Variants in TACC3 observed in about 807,000 individuals in gnomAD.
The protein encoded by TACC3 is transforming acidic coiled-coil-containing protein 3.
TACC3 carries 52 observed loss-of-function variants against 86.0 expected under a neutral mutation model. The observed-to-expected ratio is 0.60, with a 90% confidence interval of 0.48 to 0.76. TACC3 has a LOEUF of 0.76. TACC3 is among the 30% of genes least tolerant of loss of function. The pLI, the probability that TACC3 is intolerant of heterozygous loss-of-function variation, is 0.00. For synonymous variants in TACC3, 512 were observed against 430.0 expected (o/e 1.19, Z -2.36); for missense variants, 1,120 against 1,070.4 (o/e 1.05, Z -0.65).
intron 3 of TACC3, 38 bp downstream of exon 3, chr4:1,723,908 C>T (rs369375842): frequency 5.0e-6 from 8 of 1,606,724 alleles, no homozygotes; most frequent in South Asian, 1.1e-5. Flanking sequence ...GGAGCTTCAC[C>T]CTCTCTGTCC....
At chr4:1,723,625 T>C in intron 2 of TACC3, 42 bp downstream of exon 2, 3 of 1,609,178 alleles carry the variant, frequency 1.9e-6, no homozygotes, top group Non-Finnish European at 2.5e-6. Context: ...CAGGTTGCCC[T>C]AGGGCCTGCT....
At position 1,723,825 on chromosome 4, in the gene TACC3, C is replaced by T; in HGVS notation, c.260C>T (p.Thr87Ile). 6.2e-7 allele frequency: 1 copy of T among 1,613,608 alleles called. No individual in the cohort carries two copies. Among genetic ancestry groups the T allele is most frequent in the African/African-American group, 1.3e-5 (1 of 75,066 alleles). ...GAGGCTCCTTTCACTCAGGATGACA[C>T]CCTTGGACTGGAAAACTCACACCCG... ...KLEAPFTQDD[T>I]LGLENSHPVW... Residue 87 changes from threonine to isoleucine, a missense_variant, in exon 3 of 16, where the codon ACC (threonine) becomes ATC (isoleucine). Transcript: ENST00000313288.
At chr4:1,723,604 G>C in intron 2 of TACC3, 21 bp downstream of exon 2, 3 of 1,610,172 alleles carry the variant, frequency 1.9e-6, no homozygotes, top group Non-Finnish European at 2.5e-6. Flanking sequence ...CCTGTACAGT[G>C]TGTGGCTGGC....
intron 6 of TACC3, among the ~76,000 whole-genome samples, chr4:1,734,923 A>C (rs1718179529): frequency 6.6e-6 from 1 of 152,216 alleles, no homozygotes; most frequent in Admixed American, 6.5e-5. Flanking sequence ...TTTTAATCAA[A>C]AGTTATATTA....
chr4:1,738,092 C>G, intron 10 of TACC3: 1 of 357,338 alleles, frequency 2.8e-6, no homozygotes, highest in South Asian at 2.1e-5. Context: ...CCATCTTCAC[C>G]CACCCCACAT....
intron 13 of TACC3, 30 bp from the exon 14 acceptor site, chr4:1,744,473 CAGCAGACGGCGTGGT>C: frequency 6.4e-7 from 1 of 1,573,910 alleles, no homozygotes. Flanking sequence ...GGGTGCTCTC[CAGCAGACGGCGTGGT>C]ACCCACAGCT....
intron 4 of TACC3, among the ~76,000 whole-genome samples, chr4:1,729,833 G>A (rs982411431): frequency 6.6e-6 from 1 of 152,052 alleles, no homozygotes; most frequent in Non-Finnish European, 1.5e-5. Context: ...TAATTAACGG[G>A]TGCCTTCCCA....
In TACC3 at chr4:1,723,527, C is replaced by T. The variant is rs1717525644; in HGVS notation, c.106C>T (p.Leu36Phe). 2.5e-6 allele frequency: 4 copies of T among 1,613,796 alleles called. No homozygotes were observed. In the East Asian group the frequency reaches 6.7e-5, roughly 27 times the overall value. The change falls in exon 2 of 16, where the codon CTT becomes TTT. Residue 36 changes from leucine to phenylalanine, a missense_variant. Physicochemically the swap from Leu to Phe is conservative, Grantham distance 22. Transcript: ENST00000313288. ...AGAAGTTACCGGAAGATCGTCTGTT[C>T]TTCGTGTGTCACAGAAAGAAAATGT... ...PPEVTGRSSVLRVSQKENVPP... is the reference protein window; with the variant it reads ...PPEVTGRSSVFRVSQKENVPP...
Position 1,737,466 on chromosome 4 carries a change from C to T in TACC3, c.1837-132C>T, listed in dbSNP as rs140953341. 1,936 of 1,105,858 alleles carry T rather than the reference C, an allele frequency of 1.8e-3. 20 individuals carry two copies. The African/African-American group carries it at 0.023, about 13-fold the overall frequency. The allele number at this position is 1,105,858 out of a possible 1,614,324, so 68.5% of individuals were successfully genotyped here. ...GCATGGGGCCGCTGTGCTGTTCCCT[C>T]GCCGCACTGTCTCGGGTCCCTCATG... On this transcript the variant is annotated intron_variant, in intron 9 of 15. Coordinates refer to ENST00000313288, the MANE Select transcript of TACC3 (RefSeq NM_006342.3).
intron 3 of TACC3, among the ~76,000 whole-genome samples, chr4:1,725,091 T>C (rs1665363): frequency 0.77 from 117,122 of 151,872 alleles, 45,342 homozygotes; most frequent in East Asian, 0.86. Context: ...CCACCACACC[T>C]GGCTAATTTT....
intron 12 of TACC3, chr4:1,740,608 TC>T (rs1311030887): frequency 6.0e-6 from 3 of 502,152 alleles, no homozygotes; most frequent in Non-Finnish European, 1.1e-5. Flanking sequence ...AGGCTCCAGT[TC>T]CCTGCGGATC....
chr4:1,739,327 C>T (rs916194885), intron 10 of TACC3: 7 of 222,194 alleles, frequency 3.2e-5, no homozygotes, highest in Non-Finnish European at 4.4e-5. Context: ...AAAAAGAGAT[C>T]TGAACATACT....
At chr4:1,737,769 G>A in intron 10 of TACC3, 67 bp downstream of exon 10, 1 of 1,418,486 alleles carries the variant, frequency 7.0e-7, no homozygotes, top group Non-Finnish European at 9.7e-7. Context: ...CCAACAGTGG[G>A]CAGGGGTCCA....
chr4:1,731,906 T>C (rs901092418), intron 6 of TACC3, among the ~76,000 whole-genome samples: 1 of 152,246 alleles, frequency 6.6e-6, no homozygotes. Context: ...AGTGCTGGGA[T>C]TGCACGCGTG....
In TACC3 at chr4:1,739,841, C is replaced by T. The variant is rs528183659; in HGVS notation, c.2018+63C>T. On this transcript the variant is annotated intron_variant, in intron 11 of 15. Coordinates refer to ENST00000313288, the MANE Select transcript of TACC3 (RefSeq NM_006342.3). ...CCCCCTCGCCATCCTTGTCCCCATC[C>T]CCCTCGCCATCCTTGTCCCCATCCC... is the stretch of plus-strand genomic sequence containing the variant. 31 of 1,546,866 alleles carry T rather than the reference C, an allele frequency of 2.0e-5. No homozygotes were observed. The East Asian group carries it at 6.9e-4, about 34-fold the overall frequency.
rs146630510 is a variant in TACC3 at position 1,728,587 on chromosome 4, C to A, written c.1185C>A (p.Pro395=). ...DGRSGAGEDP[P]MPASRGSYHL... ...GGAGCGGAGCAGGAGAGGACCCCCC[C>A]ATGCCAGCTTCTCGGGGCTCTTACC... Residue 395 remains proline (P), a synonymous_variant, in exon 4 of 16, where the codon CCC becomes CCA. Coordinates refer to ENST00000313288, the MANE Select transcript of TACC3 (RefSeq NM_006342.3). 8.1e-6 allele frequency: 13 copies of A among 1,614,000 alleles called. No homozygotes were observed. The highest frequency in any genetic ancestry group is 1.1e-5 in the Non-Finnish European group (13 of 1,179,996).
Position 1,729,080 on chromosome 4 carries a change from C to T in TACC3, c.1385+293C>T, listed in dbSNP as rs1717870613. Among the ~76,000 whole-genome samples the T allele has an allele frequency of 2.0e-5, 3 of 152,182 alleles. No individual in the cohort carries two copies. The South Asian group carries it at 6.2e-4, about 32-fold the overall frequency. On this transcript the variant is annotated intron_variant, in intron 4 of 15. Transcript: ENST00000313288. ...ACCAACCCTGGGCAGGACCCTGTCC[C>T]CCAGTCATGTTCCTCCTCAGGTGAA...
intron 3 of TACC3, among the ~76,000 whole-genome samples, chr4:1,725,263 G>A (rs557362277): frequency 1.3e-5 from 2 of 152,180 alleles, no homozygotes; most frequent in South Asian, 4.1e-4. Flanking sequence ...TTTTAGATGT[G>A]CAGAGAAAAG....
intron 9 of TACC3, 101 bp downstream of exon 9, chr4:1,737,429 G>A (rs927381942): frequency 1.6e-6 from 2 of 1,289,840 alleles, no homozygotes; most frequent in Non-Finnish European, 2.2e-6. Flanking sequence ...TGAGCCTTTG[G>A]TTTTGTTGGG....
Sources: gnomAD v4.1 joint callset for allele counts (sites outside exome capture counted in the v4.1 genomes callset) on GRCh38, gnomAD v4.1.1 for gene constraint, MANE v1.5 for transcripts, NCBI Gene and HGNC (gene_info 2026-07-23, HGNC 2026-07-21) for gene names.